Variants in ZBTB20 observed in about 807,000 individuals in gnomAD.
ZBTB20 encodes zinc finger and BTB domain-containing protein 20.
A neutral mutation model predicts 56.9 loss-of-function variants in ZBTB20; 9 were observed. The ratio of observed to expected loss-of-function variants is 0.16; its 90% CI spans 0.10 to 0.28. ZBTB20 has a LOEUF of 0.28. Among genes scored for constraint, ZBTB20 ranks in the 10% least tolerant of loss-of-function variants. The pLI, the probability that ZBTB20 is intolerant of heterozygous loss-of-function variation, is 1.00. For missense variants in ZBTB20, 655 were observed against 1,003.0 expected (o/e 0.65, Z 4.69); for synonymous variants, 417 against 420.7 (o/e 0.99, Z 0.11).
intron 5 of ZBTB20, among the ~76,000 whole-genome samples, chr3:114,726,062 A>G (rs1299484630): frequency 6.6e-6 from 1 of 152,200 alleles, no homozygotes; most frequent in Non-Finnish European, 1.5e-5. Flanking sequence ...AGATAAGACT[A>G]TGTAACCGGT....
At chr3:114,849,898 CTTTTTTTTTT>C (rs34170211) in intron 4 of ZBTB20, among the ~76,000 whole-genome samples, 4 of 114,894 alleles carry the variant, frequency 3.5e-5, no homozygotes, top group Non-Finnish European at 3.4e-5. Flanking sequence ...ATCAGGAAAT[CTTTTTTTTTT>C]TTTTTTTTTG....
chr3:114,649,718 C>A (rs1241557319), intron 6 of ZBTB20, among the ~76,000 whole-genome samples: 1 of 151,816 alleles, frequency 6.6e-6, no homozygotes, highest in Non-Finnish European at 1.5e-5. Flanking sequence ...TGTTGGTTTG[C>A]CTCTAGAATG....
At chr3:114,531,540 C>T (rs775077195) in intron 6 of ZBTB20, among the ~76,000 whole-genome samples, 13 of 152,226 alleles carry the variant, frequency 8.5e-5, no homozygotes, top group Non-Finnish European at 1.8e-4. Context: ...ACCAGGAGAG[C>T]TGTCCTGAGA....
At chr3:115,006,208 A>G (rs2079461916) in intron 2 of ZBTB20, among the ~76,000 whole-genome samples, 3 of 151,636 alleles carry the variant, frequency 2.0e-5, no homozygotes, top group Admixed American at 2.0e-4. Flanking sequence ...TTACTGTCAG[A>G]AAAAAATAAC....
chr3:114,669,602 G>A (rs2061249203), intron 6 of ZBTB20, among the ~76,000 whole-genome samples: 1 of 151,248 alleles, frequency 6.6e-6, no homozygotes, highest in Admixed American at 6.6e-5. Context: ...ATTCTGAAAT[G>A]GTTTATAAAA....
intron 2 of ZBTB20, among the ~76,000 whole-genome samples, chr3:115,053,040 T>A (rs1440766252): frequency 2.6e-5 from 4 of 152,172 alleles, no homozygotes; most frequent in African/African-American, 7.2e-5. Context: ...TGCCTATAAC[T>A]CTCTCTGTTG....
chr3:115,051,585 C>T (rs2081549519), intron 2 of ZBTB20, among the ~76,000 whole-genome samples: 1 of 152,062 alleles, frequency 6.6e-6, no homozygotes, highest in African/African-American at 2.4e-5. Context: ...ACAGTAATAC[C>T]TTCAAAATAG....
chr3:115,044,903 T>C (rs777415012), intron 2 of ZBTB20, among the ~76,000 whole-genome samples: 11 of 152,138 alleles, frequency 7.2e-5, no homozygotes, highest in Non-Finnish European at 7.4e-5. Flanking sequence ...CATTTGTAGG[T>C]GGTATTGCTA....
intron 6 of ZBTB20, among the ~76,000 whole-genome samples, chr3:114,538,279 C>T (rs1204966595): frequency 1.3e-5 from 2 of 152,134 alleles, no homozygotes; most frequent in Non-Finnish European, 2.9e-5. Context: ...ACTCCCTTTT[C>T]GACTAATCGG....
intron 6 of ZBTB20, among the ~76,000 whole-genome samples, chr3:114,646,615 TA>T (rs1408206653): frequency 6.6e-6 from 1 of 152,246 alleles, no homozygotes; most frequent in Admixed American, 6.5e-5. Context: ...ACTGTAAATG[TA>T]AAGAAAACAA....
At chr3:114,999,508 C>T (rs2079163436) in intron 2 of ZBTB20, among the ~76,000 whole-genome samples, 1 of 151,470 alleles carries the variant, frequency 6.6e-6, no homozygotes, top group Non-Finnish European at 1.5e-5. Flanking sequence ...TTTTTACTTA[C>T]TGTTTTTCCC....
chr3:115,116,796 G>A (rs1331489570), intron 1 of ZBTB20, among the ~76,000 whole-genome samples: 1 of 152,000 alleles, frequency 6.6e-6, no homozygotes, highest in Non-Finnish European at 1.5e-5. Context: ...ATATTTATTA[G>A]GGCAAATAAA....
chr3:115,014,513 A>G lies in ZBTB20; in HGVS notation c.-506-40097T>C, dbSNP rs140485383. Reference sequence around the variant, plus strand: ...TGATTATTACTCATTGCATGCCTCTATCAAAATACCTCATGTACCCCATAA... The same window carrying G: ...TGATTATTACTCATTGCATGCCTCTGTCAAAATACCTCATGTACCCCATAA... On this transcript the variant is annotated intron_variant, in intron 2 of 11. Coordinates refer to ENST00000675478, the MANE Select transcript of ZBTB20 (RefSeq NM_001348800.3). Among the ~76,000 whole-genome samples the G allele has an allele frequency of 2.2e-4, 34 of 151,848 alleles. No homozygotes were observed. The East Asian group carries it at 5.3e-3, about 24-fold the overall frequency.
At chr3:114,390,353 C>G (rs1481300005) in intron 7 of ZBTB20, among the ~76,000 whole-genome samples, 1 of 152,104 alleles carries the variant, frequency 6.6e-6, no homozygotes, top group Admixed American at 6.6e-5. Flanking sequence ...TCATTTCAGT[C>G]TCTCTCTTTA....
chr3:114,968,293 C>A (rs544592238), intron 3 of ZBTB20, among the ~76,000 whole-genome samples: 82 of 152,136 alleles, frequency 5.4e-4, no homozygotes, highest in Admixed American at 3.1e-3. Flanking sequence ...AACTGTGAAC[C>A]AAAAAGGTCA....
At position 114,512,267 on chromosome 3, in the gene ZBTB20, T is replaced by G. The variant is rs79755495; in HGVS notation, c.-294-11876A>C. Among the ~76,000 whole-genome samples the G allele has an allele frequency of 4.0e-3, 595 of 150,342 alleles. 7 individuals are homozygous for G. The highest frequency in any genetic ancestry group is 0.014 in the African/African-American group (557 of 40,334). On this transcript the variant is annotated intron_variant, in intron 6 of 11. Transcript: ENST00000675478. ...TCTTTCATGACAGCCTAATAAAGTT[T>G]CTGAACTTATCTTGAGAGTTGGTTA...
chr3:114,423,661 T>C (rs2089387769), intron 7 of ZBTB20, among the ~76,000 whole-genome samples: 1 of 152,242 alleles, frequency 6.6e-6, no homozygotes, highest in African/African-American at 2.4e-5. Context: ...AGTTGAGTTA[T>C]AAAATTATTA....
rs200002181 is a variant in ZBTB20, at chr3:114,662,479, C to T, written c.-295+31049G>A. Among the ~76,000 whole-genome samples, 481 of 146,646 alleles carry T rather than the reference C, an allele frequency of 3.3e-3. 21 individuals are homozygous for T. In the East Asian group the frequency reaches 0.085, roughly 26 times the overall value. On this transcript the variant is annotated intron_variant, in intron 6 of 11. Transcript: ENST00000675478. The stretch of plus-strand genomic sequence containing the variant: ...GTTCTAGATCCCTGAGGAATCGCCA[C>T]ACTCACTTCCACAATGGTTGAACTA...
rs150394898 is a variant in ZBTB20, at chr3:114,486,119, A to AGTGTGTGTGTGT, written c.-255+14221_-255+14232dup. On this transcript the variant is annotated intron_variant, in intron 7 of 11. Transcript: ENST00000675478. ...ATTCCAAATAATGGTGGTCAGTAAG[A>AGTGTGTGTGTGT]GTGTGTGTGTGTGTGTGTGGGGGGG... Among the ~76,000 whole-genome samples the AGTGTGTGTGTGT allele has an allele frequency of 7.5e-5, 2 of 26,772 alleles. 1 individual carries two copies. The highest frequency in any genetic ancestry group is 1.5e-4 in the Non-Finnish European group (2 of 13,338). 17.6% of individuals were successfully genotyped at this position (26,772 alleles called of 152,430 possible). A position where few individuals can be genotyped will look rare whatever the true frequency, so the allele number is the denominator to read the frequency against.
Sources: gnomAD v4.1 joint callset for allele counts (sites outside exome capture counted in the v4.1 genomes callset) on GRCh38, gnomAD v4.1.1 for gene constraint, MANE v1.5 for transcripts, NCBI Gene and HGNC (gene_info 2026-07-23, HGNC 2026-07-21) for gene names.